Variants in BMP7 observed in about 807,000 individuals in gnomAD.
BMP7 encodes the protein bone morphogenetic protein 7, also known as osteogenic protein 1.
Under a neutral mutation model 41.2 loss-of-function variants are expected in BMP7, and 12 were observed. That is an observed-to-expected ratio of 0.29 (90% confidence interval 0.19 to 0.47). The LOEUF is 0.47. Ranked by LOEUF, BMP7 falls within the 20% of genes least tolerant of loss-of-function variation. The pLI, the probability that BMP7 is intolerant of heterozygous loss-of-function variation, is 0.99. For missense variants in BMP7, 467 were observed against 606.0 expected, an observed-to-expected ratio of 0.77 and a Z score of 2.41; for synonymous variants, 248 against 250.0, an observed-to-expected ratio of 0.99 and a Z score of 0.07.
intron 4 of BMP7, among the ~76,000 whole-genome samples, chr20:57,179,423 G>A (rs922359137): frequency 1.3e-5 from 2 of 152,362 alleles, no homozygotes; most frequent in South Asian, 4.1e-4. Flanking sequence ...TGGCAAAGGC[G>A]GCTGCTTACC....
intron 1 of BMP7, among the ~76,000 whole-genome samples, chr20:57,263,930 G>C (rs2066163453): frequency 6.6e-6 from 1 of 151,650 alleles, no homozygotes; most frequent in Admixed American, 6.6e-5. Context: ...TCCAGTTCCT[G>C]GTGTCTTCCT....
intron 2 of BMP7, among the ~76,000 whole-genome samples, chr20:57,210,324 A>G (rs1295881793): frequency 6.6e-6 from 1 of 152,196 alleles, no homozygotes; most frequent in East Asian, 1.9e-4. Context: ...AGGACGAGGA[A>G]CCGCACATCC....
Position 57,170,699 on chromosome 20 carries a change from T to C in BMP7, c.*260A>G. The stretch of plus-strand genomic sequence containing the variant: ...CCCAGCCAATGACCTGGCCCGGCCA[T>C]TTTTCTTTATGCGTTGTTTTTTTTT... On this transcript the variant is annotated 3_prime_UTR_variant, in exon 7 of 7. Transcript: ENST00000395863. 2.3e-6 allele frequency: 1 copy of C among 442,394 alleles called. No homozygotes were observed. Among genetic ancestry groups the C allele is most frequent in the East Asian group, 5.0e-5 (1 of 20,000 alleles). The allele number at this position is 442,394 out of a possible 1,614,324, so 27.4% of individuals were successfully genotyped here.
At chr20:57,175,188 C>A (rs550285431) in intron 4 of BMP7, among the ~76,000 whole-genome samples, 181 bp from the exon 5 acceptor site, 1 of 152,320 alleles carries the variant, frequency 6.6e-6, no homozygotes, top group South Asian at 2.1e-4. Flanking sequence ...TCATTTCTAC[C>A]CCCAGCAAAG....
rs139399731 is a variant in BMP7, at chr20:57,203,404, C to T, written c.612-781G>A. Among the ~76,000 whole-genome samples the T allele has an allele frequency of 9.3e-5, 14 of 151,084 alleles. No homozygotes were observed. The East Asian group carries it at 1.6e-3, about 17-fold the overall frequency. ...GGGTAGGTGAGTGAATGGATGGGTA[C>T]GTGGGTGAATGAGTGGATGGATGGA... is the stretch of plus-strand genomic sequence containing the variant. On this transcript the variant is annotated intron_variant, in intron 2 of 6. Transcript: ENST00000395863.
chr20:57,212,969 G>A (rs1216261969), intron 2 of BMP7, among the ~76,000 whole-genome samples: 1 of 152,276 alleles, frequency 6.6e-6, no homozygotes, highest in African/African-American at 2.4e-5. Context: ...GGAAGAGGAA[G>A]TCAGGGAGGT....
At chr20:57,219,597 G>A (rs964557197) in intron 2 of BMP7, among the ~76,000 whole-genome samples, 52 of 152,254 alleles carry the variant, frequency 3.4e-4, no homozygotes, top group Non-Finnish European at 5.0e-4. Context: ...CAGAGAATGA[G>A]CCACCCCCAA....
In BMP7 at chr20:57,213,526, C is replaced by T. The variant is rs913815792; in HGVS notation, c.612-10903G>A. On this transcript the variant is annotated intron_variant, in intron 2 of 6. Coordinates refer to ENST00000395863, the MANE Select transcript of BMP7 (RefSeq NM_001719.3). This position sits in a 1 kb window ranked among gnomAD's most constrained non-coding sequence, Gnocchi z 4.4. ...TCCTGCTGCAAAGAAATGTCTGCTCCGGCAATGGAGCGCAGTAACGAGCCG... is the reference window on the plus strand; with the variant it reads ...TCCTGCTGCAAAGAAATGTCTGCTCTGGCAATGGAGCGCAGTAACGAGCCG... Among the ~76,000 whole-genome samples, 1 of 152,132 alleles carries T rather than the reference C, an allele frequency of 6.6e-6. No homozygotes were observed. The highest frequency in any genetic ancestry group is 2.4e-5 in the African/African-American group (1 of 41,414).
chr20:57,222,574 G>C (rs748757999), intron 2 of BMP7, among the ~76,000 whole-genome samples: 13 of 152,078 alleles, frequency 8.5e-5, no homozygotes, highest in Non-Finnish European at 1.9e-4. Context: ...CCCAGAGAAA[G>C]GGACTGCGAG....
rs979106536 is a variant in BMP7, at chr20:57,174,809, G to A, written c.1035+122C>T. On this transcript the variant is annotated intron_variant, in intron 5 of 6. Coordinates refer to ENST00000395863, the MANE Select transcript of BMP7 (RefSeq NM_001719.3). The surrounding 1 kb of genome is among the most constrained non-coding windows in gnomAD (Gnocchi z 4.3). Reference sequence around the variant, plus strand: ...AGCCCAAGTCCCCTTCCCTAGCGAGGCCACTTGATACTGGAGTCTTAACTG... The same window carrying A: ...AGCCCAAGTCCCCTTCCCTAGCGAGACCACTTGATACTGGAGTCTTAACTG... The A allele has an allele frequency of 4.5e-6, 5 of 1,104,104 alleles. No homozygotes were observed. The highest frequency in any genetic ancestry group is 2.7e-5 in the South Asian group (2 of 75,046). 68.4% of individuals were successfully genotyped at this position (1,104,104 alleles called of 1,614,324 possible). A position where few individuals can be genotyped will look rare whatever the true frequency, so the allele number is the denominator to read the frequency against.
intron 4 of BMP7, 58 bp from the exon 5 acceptor site, chr20:57,175,065 C>T: frequency 2.0e-6 from 3 of 1,512,660 alleles, no homozygotes; most frequent in Admixed American, 1.8e-5. Context: ...AACACACACA[C>T]ATCAAAGTTC....
At position 57,214,155 on chromosome 20, in the gene BMP7, G is replaced by A. The variant is rs1289826880; in HGVS notation, c.612-11532C>T. ...CCCCTCTCACAGGTGGGAGACTGAGGCTCAGAGATATGCAGGTAGTGAATG... is the reference window on the plus strand; with the variant it reads ...CCCCTCTCACAGGTGGGAGACTGAGACTCAGAGATATGCAGGTAGTGAATG... On this transcript the variant is annotated intron_variant, in intron 2 of 6. Coordinates refer to ENST00000395863, the MANE Select transcript of BMP7 (RefSeq NM_001719.3). The surrounding 1 kb of genome is among the most constrained non-coding windows in gnomAD (Gnocchi z 4.0). Among the ~76,000 whole-genome samples the A allele has an allele frequency of 6.6e-6, 1 of 152,134 alleles. No homozygotes were observed. The highest frequency in any genetic ancestry group is 1.5e-5 in the Non-Finnish European group (1 of 68,022).
At chr20:57,226,404 C>A (rs1185836939) in intron 2 of BMP7, among the ~76,000 whole-genome samples, 1 of 152,266 alleles carries the variant, frequency 6.6e-6, no homozygotes, top group Non-Finnish European at 1.5e-5. Flanking sequence ...CCTCTGACCC[C>A]ACAATTCTAT....
At chr20:57,206,717 AG>A (rs531409537) in intron 2 of BMP7, among the ~76,000 whole-genome samples, 113 of 152,302 alleles carry the variant, frequency 7.4e-4, no homozygotes, top group African/African-American at 2.6e-3. Context: ...GATTAGGAAG[AG>A]CCAGGTTAAG....
At chr20:57,196,191 G>A (rs1182768195) in intron 3 of BMP7, among the ~76,000 whole-genome samples, 1 of 152,156 alleles carries the variant, frequency 6.6e-6, no homozygotes, top group African/African-American at 2.4e-5. Flanking sequence ...TGTCTGCAAG[G>A]ACGACAGTCT....
At chr20:57,193,852 A>T (rs1984431635) in intron 3 of BMP7, among the ~76,000 whole-genome samples, 1 of 152,174 alleles carries the variant, frequency 6.6e-6, no homozygotes, top group South Asian at 2.1e-4. Context: ...CATCACAGCT[A>T]CTATTGTCTG....
intron 1 of BMP7, among the ~76,000 whole-genome samples, chr20:57,243,644 G>A (rs772114907): frequency 2.6e-5 from 4 of 152,104 alleles, no homozygotes; most frequent in Admixed American, 6.6e-5. Context: ...TCCCCACCAA[G>A]CACCTGGCGA....
At chr20:57,254,982 T>G (rs967951120) in intron 1 of BMP7, among the ~76,000 whole-genome samples, 1 of 152,162 alleles carries the variant, frequency 6.6e-6, no homozygotes, top group African/African-American at 2.4e-5. Flanking sequence ...CTGACAATTA[T>G]TTTTAAACCA....
At chr20:57,226,389 T>C (rs1450318447) in intron 2 of BMP7, among the ~76,000 whole-genome samples, 3 of 152,260 alleles carry the variant, frequency 2.0e-5, no homozygotes, top group Non-Finnish European at 4.4e-5. Flanking sequence ...CACCCATGTG[T>C]GGGCCCTCTG....
Sources: gnomAD v4.1 joint callset for allele counts (sites outside exome capture counted in the v4.1 genomes callset) on GRCh38, gnomAD v4.1.1 for gene constraint, Gnocchi (gnomAD v3.1) non-coding constraint, MANE v1.5 for transcripts, NCBI Gene and HGNC (gene_info 2026-07-23, HGNC 2026-07-21) for gene names.